Variants in TRRAP observed in about 807,000 individuals in gnomAD.
The protein encoded by TRRAP is transformation/transcription domain associated protein.
Under a neutral mutation model 438.8 loss-of-function variants are expected in TRRAP, and 41 were observed. The ratio of observed to expected loss-of-function variants is 0.09; its 90% CI spans 0.07 to 0.12. The LOEUF is 0.12. TRRAP is among the 10% of genes least tolerant of loss of function. The probability of loss-of-function intolerance (pLI) is 1.00; values close to 1 mark genes in which losing one functional copy is unlikely to be tolerated. For synonymous variants in TRRAP, 1,994 were observed against 1,962.9 expected, an observed-to-expected ratio of 1.02 and a Z score of -0.42; for missense variants, 3,122 against 5,055.1, an observed-to-expected ratio of 0.62 and a Z score of 11.60.
At chr7:98,939,144 T>C (rs924505873) in intron 30 of TRRAP, among the ~76,000 whole-genome samples, 11 of 152,238 alleles carry the variant, frequency 7.2e-5, no homozygotes, top group Non-Finnish European at 1.3e-4. Context: ...CAAACATGAA[T>C]GTATTTTTCA....
chr7:98,981,798 C>G lies in TRRAP; in HGVS notation c.8664C>G (p.Ala2888=). The G allele has an allele frequency of 3.1e-6, 5 of 1,606,586 alleles. No individual in the cohort carries two copies. Among genetic ancestry groups the G allele is most frequent in the Non-Finnish European group, 4.2e-6 (5 of 1,176,936 alleles). Residue 2888 remains alanine, a synonymous_variant, in exon 59 of 73, where the codon GCC becomes GCG. Coordinates refer to ENST00000456197, the MANE Select transcript of TRRAP (RefSeq NM_001375524.1). The part of the protein sequence containing the change: ...QVEVSCPKEM[A]WKVNMYRGYL... Reference sequence around the variant, plus strand: ...AAGTGAGCTGTCCGAAGGAGATGGCCTGGAAGGTGAACATGTACCGCGGAT... The same window carrying G: ...AAGTGAGCTGTCCGAAGGAGATGGCGTGGAAGGTGAACATGTACCGCGGAT...
At chr7:98,962,177 G>A in intron 46 of TRRAP, 125 bp from the exon 47 acceptor site, 2 of 1,438,122 alleles carry the variant, frequency 1.4e-6, no homozygotes, top group Non-Finnish European at 1.9e-6. Context: ...ACACTGTCCT[G>A]CAGGGAGAGA....
chr7:98,949,903 C>T, intron 37 of TRRAP, 62 bp downstream of exon 37: 1 of 1,580,306 alleles, frequency 6.3e-7, no homozygotes, highest in Admixed American at 1.8e-5. Context: ...TCAGCCAGAG[C>T]CTCCTTCTAC....
chr7:98,931,773 C>A, intron 26 of TRRAP, 108 bp downstream of exon 26: 1 of 1,473,186 alleles, frequency 6.8e-7, no homozygotes, highest in Non-Finnish European at 9.1e-7. Flanking sequence ...GTCTTGGTAT[C>A]TGTGGGGCCT....
chr7:99,002,809 A>G (rs1342868045), intron 67 of TRRAP, among the ~76,000 whole-genome samples: 1 of 152,232 alleles, frequency 6.6e-6, no homozygotes, highest in Non-Finnish European at 1.5e-5. Context: ...ATGGTCAGGA[A>G]TAGGCCACTC....
At chr7:98,913,170 A>G (rs966289972) in intron 18 of TRRAP, among the ~76,000 whole-genome samples, 4 of 152,072 alleles carry the variant, frequency 2.6e-5, no homozygotes, top group Admixed American at 2.6e-4. Flanking sequence ...CATGTTTGCT[A>G]CTTGCAGTCT....
At chr7:98,997,302 T>C (rs1393948063) in intron 67 of TRRAP, among the ~76,000 whole-genome samples, 2 of 151,564 alleles carry the variant, frequency 1.3e-5, no homozygotes, top group East Asian at 1.9e-4. Context: ...AGACTCTGTC[T>C]CAAAAAAGAA....
chr7:98,920,464 C>T (rs1324258895), intron 20 of TRRAP, among the ~76,000 whole-genome samples: 4 of 148,446 alleles, frequency 2.7e-5, no homozygotes, highest in Non-Finnish European at 3.0e-5. Context: ...AGCGAGACTC[C>T]GTCTCCAAAA....
chr7:98,945,844 A>C, intron 32 of TRRAP, 44 bp downstream of exon 32: 1 of 1,581,714 alleles, frequency 6.3e-7, no homozygotes, highest in Non-Finnish European at 8.5e-7. Flanking sequence ...TTGCAATGTG[A>C]AGAAAAGTTT....
At position 99,011,593 on chromosome 7, in the gene TRRAP, C is replaced by A; in HGVS notation, c.11337+58C>A. 6.4e-7 allele frequency: 1 copy of A among 1,560,794 alleles called. No homozygotes were observed. The highest frequency in any genetic ancestry group is 8.7e-7 in the Non-Finnish European group (1 of 1,154,022). Reference sequence around the variant, plus strand: ...GGCTAGAGCCACTCAGATGCCCGCGCGTCACGGCCTTGCAGGAGCTGCTGA... The same window carrying A: ...GGCTAGAGCCACTCAGATGCCCGCGAGTCACGGCCTTGCAGGAGCTGCTGA... On this transcript the variant is annotated intron_variant, in intron 72 of 72. Coordinates refer to ENST00000456197, the MANE Select transcript of TRRAP (RefSeq NM_001375524.1). The surrounding 1 kb of genome is among the most constrained non-coding windows in gnomAD (Gnocchi z 7.1).
chr7:98,887,803 T>C (rs573645501), intron 3 of TRRAP, among the ~76,000 whole-genome samples: 59 of 152,214 alleles, frequency 3.9e-4, no homozygotes, highest in African/African-American at 1.4e-3. Context: ...TTTGACTGTT[T>C]CACTGTCCTT....
Position 98,956,225 on chromosome 7 carries a change from C to T in TRRAP, c.6017C>T (p.Thr2006Ile). The T allele has an allele frequency of 6.2e-7, 1 of 1,613,940 alleles. No individual in the cohort carries two copies. The highest frequency in any genetic ancestry group is 8.5e-7 in the Non-Finnish European group (1 of 1,180,014). ...MQRLGFTPSV[T>I]IEQRRLAVDL... ...AGGCTGGGCTTCACGCCCAGTGTCACCATCGAGCAGAGGCGGCTGGCCGTG... is the reference window on the plus strand; with the variant it reads ...AGGCTGGGCTTCACGCCCAGTGTCATCATCGAGCAGAGGCGGCTGGCCGTG... Residue 2006 changes from threonine to isoleucine, a missense_variant, in exon 42 of 73, where the codon ACC becomes ATC. Around this residue, in one of 24 missense-constraint regions of TRRAP, gnomAD observed 992 missense variants for 1,281.2 expected, o/e 0.77. Transcript: ENST00000456197. The surrounding 1 kb of genome is among the most constrained non-coding windows in gnomAD (Gnocchi z 4.5).
chr7:98,999,846 T>G (rs1378549434), intron 67 of TRRAP: 1 of 453,080 alleles, frequency 2.2e-6, no homozygotes, highest in Admixed American at 3.5e-5. Flanking sequence ...AGACAGGCTT[T>G]GCTTTTCCGA....
At chr7:98,887,001 A>G (rs1443385569) in intron 3 of TRRAP, among the ~76,000 whole-genome samples, 3 of 152,224 alleles carry the variant, frequency 2.0e-5, no homozygotes, top group Admixed American at 1.3e-4. Context: ...TCCTGGGCTC[A>G]AATGATCTTC....
intron 68 of TRRAP, 122 bp downstream of exon 68, chr7:99,004,537 C>T: frequency 2.4e-6 from 2 of 841,152 alleles, no homozygotes; most frequent in South Asian, 3.4e-5. Flanking sequence ...CATGGGAGAA[C>T]ATAAGATGAT....
rs778663612 is a variant in TRRAP at position 99,008,461 on chromosome 7, A to C, written c.10838A>C (p.Gln3613Pro). Residue 3613 changes from glutamine (Q) to proline (P), a missense_variant, in exon 70 of 73, where the codon CAG (glutamine) becomes CCG (proline). Coordinates refer to ENST00000456197, the MANE Select transcript of TRRAP (RefSeq NM_001375524.1). ...SSLSLVEIYK[Q>P]RCAKKGIEHD... is the part of the protein sequence containing the mutation. ...CTTTCCCTTGTGGAGATCTACAAGC[A>C]GCGCTGCGCCAAGAAGGGCATCGAG... 6.2e-7 allele frequency: 1 copy of C among 1,614,148 alleles called. No individual in the cohort carries two copies. Among genetic ancestry groups the C allele is most frequent in the East Asian group, 2.2e-5 (1 of 44,862 alleles).
Position 98,921,803 on chromosome 7 carries a change from C to T in TRRAP, c.2673C>T (p.Ala891=), listed in dbSNP as rs782729256. The change falls in exon 21 of 73, where the codon GCC becomes GCT. Residue 891 remains alanine (A), a synonymous_variant. Transcript: ENST00000456197. ...CTGCTGACAGCATCTCCCACGTGGC[C>T]TACCGTGTGCTCGGTAAGTTTGGCG... The part of the protein sequence containing the change: ...RNPADSISHV[A]YRVLGKFGGS... 6.2e-7 allele frequency: 1 copy of T among 1,614,118 alleles called. No homozygotes were observed. Among genetic ancestry groups the T allele is most frequent in the African/African-American group, 1.3e-5 (1 of 74,932 alleles).
intron 20 of TRRAP, among the ~76,000 whole-genome samples, chr7:98,921,173 C>T (rs1262341537): frequency 6.6e-6 from 1 of 152,170 alleles, no homozygotes; most frequent in Non-Finnish European, 1.5e-5. Flanking sequence ...TGGAGCTCTG[C>T]AGCACTTATA....
At chr7:98,963,238 G>T in intron 47 of TRRAP, among the ~76,000 whole-genome samples, 1 of 152,184 alleles carries the variant, frequency 6.6e-6, no homozygotes, top group East Asian at 1.9e-4. Flanking sequence ...AACTTGCCAG[G>T]AGCTAGGAGA....
Sources: gnomAD v4.1 joint callset for allele counts (sites outside exome capture counted in the v4.1 genomes callset) on GRCh38, gnomAD v4.1.1 for gene constraint, gnomAD v4.1.1 regional missense constraint, Gnocchi (gnomAD v3.1) non-coding constraint, MANE v1.5 for transcripts, NCBI Gene and HGNC (gene_info 2026-07-23, HGNC 2026-07-21) for gene names.